CKAP5: variants seen among roughly 807,000 people sequenced by gnomAD.
CKAP5 encodes cytoskeleton-associated protein 5.
In CKAP5, 27 loss-of-function variants were observed where a neutral mutation model predicts 232.8. The observed-to-expected ratio is 0.12, with a 90% CI of 0.09 to 0.16. The LOEUF is 0.16. Among genes scored for constraint, CKAP5 ranks in the 10% least tolerant of loss-of-function variants. CKAP5 has a pLI of 1.00. For missense variants in CKAP5, 1,838 were observed against 2,424.7 expected, an observed-to-expected ratio of 0.76 and a Z score of 5.08; for synonymous variants, 785 against 841.1, an observed-to-expected ratio of 0.93 and a Z score of 1.16.
intron 30 of CKAP5, 64 bp from the exon 31 acceptor site, chr11:46,762,826 C>T (rs2065167127): frequency 6.5e-7 from 1 of 1,545,618 alleles, no homozygotes; most frequent in African/African-American, 1.4e-5. Context: ...TTCTCCCATG[C>T]ATTACTATGT....
chr11:46,746,041 G>A (rs1454075833), intron 42 of CKAP5, among the ~76,000 whole-genome samples: 1 of 152,154 alleles, frequency 6.6e-6, no homozygotes, highest in African/African-American at 2.4e-5. Flanking sequence ...CTATTTAAGA[G>A]AACAAAATTT....
In CKAP5 at chr11:46,762,910, A is replaced by T; in HGVS notation, c.3891+66T>A. 2.7e-6 allele frequency: 4 copies of T among 1,492,020 alleles called. No individual in the cohort carries two copies. In the South Asian group the frequency reaches 4.7e-5, roughly 17 times the overall value. The allele number at this position is 1,492,020 out of a possible 1,614,324, so 92.4% of individuals were successfully genotyped here. ...AATCAGTAAAAAAGGGAGAGGAAAT[A>T]AAAGTACAGAAACTGAGGTCAGCTG... is the stretch of plus-strand genomic sequence containing the variant. On this transcript the variant is annotated intron_variant, in intron 30 of 43. Transcript: ENST00000529230.
intron 11 of CKAP5, 97 bp from the exon 12 acceptor site, chr11:46,797,037 T>C: frequency 1.5e-6 from 2 of 1,357,800 alleles, no homozygotes; most frequent in Non-Finnish European, 2.0e-6. Flanking sequence ...AAGAATTTGC[T>C]TTTTACAATT....
At chr11:46,752,193 T>TATATATATATATAC (rs1408030107) in intron 38 of CKAP5, among the ~76,000 whole-genome samples, 23 of 66,546 alleles carry the variant, frequency 3.5e-4, no homozygotes, top group African/African-American at 1.0e-3. Context: ...TATATATATA[T>TATATATATATATAC]ACACACACAC....
chr11:46,843,728 GA>G (rs11362980), intron 1 of CKAP5, among the ~76,000 whole-genome samples: 96,502 of 107,564 alleles, frequency 0.9, 43,197 homozygotes, highest in Middle Eastern at 0.96. Flanking sequence ...AGATCTGATT[GA>G]AAAAAAAAAA....
chr11:46,755,122 G>T, intron 35 of CKAP5, 55 bp from the exon 36 acceptor site: 1 of 1,371,290 alleles, frequency 7.3e-7, no homozygotes, highest in Non-Finnish European at 9.9e-7. Context: ...CTAAAATAGC[G>T]GAAGACACTA....
At chr11:46,845,162 A>C (rs1315449007) in intron 1 of CKAP5, among the ~76,000 whole-genome samples, 1 of 152,240 alleles carries the variant, frequency 6.6e-6, no homozygotes, top group Non-Finnish European at 1.5e-5. Flanking sequence ...CTTTAGGTCA[A>C]AAGAAGGACT....
At chr11:46,829,131 G>A (rs1002489642) in intron 1 of CKAP5, among the ~76,000 whole-genome samples, 3 of 152,130 alleles carry the variant, frequency 2.0e-5, no homozygotes, top group African/African-American at 7.2e-5. Flanking sequence ...TATAAATACA[G>A]TTGACCCTTG....
chr11:46,814,367 T>C (rs1401285467), intron 4 of CKAP5, among the ~76,000 whole-genome samples: 1 of 152,270 alleles, frequency 6.6e-6, no homozygotes, highest in East Asian at 1.9e-4. Context: ...GCAAGTCAAA[T>C]TTTATAAAAG....
In CKAP5 at chr11:46,750,522, T is replaced by C. The variant is rs749442217; in HGVS notation, c.5544+6A>G. ...CCCCTATTCTGCTTAACCCTTTCAC[T>C]CTCACCTCTTTAGTGTTTTCTTTAG... On this transcript the variant is annotated splice_donor_region_variant and intron_variant, in intron 41 of 43. Transcript: ENST00000529230. 2.5e-6 allele frequency: 4 copies of C among 1,613,576 alleles called. No individual in the cohort carries two copies. The highest frequency in any genetic ancestry group is 3.4e-6 in the Non-Finnish European group (4 of 1,179,572).
At chr11:46,750,983 CAGG>C in intron 40 of CKAP5, 132 bp downstream of exon 40, 1 of 989,956 alleles carries the variant, frequency 1.0e-6, no homozygotes, top group East Asian at 2.5e-5. Flanking sequence ...TGCACCACAG[CAGG>C]AGACTGATTC....
chr11:46,798,271 G>A (rs1938938647), intron 9 of CKAP5, 99 bp from the exon 10 acceptor site: 2 of 889,290 alleles, frequency 2.2e-6, no homozygotes, highest in South Asian at 3.0e-5. Flanking sequence ...AGTATGCTAA[G>A]TTAAAAAAAA....
At position 46,816,356 on chromosome 11, in the gene CKAP5, T is replaced by C; in HGVS notation, c.300A>G (p.Gln100=). The C allele has an allele frequency of 1.2e-6, 2 of 1,614,114 alleles. No homozygotes were observed. Among genetic ancestry groups the C allele is most frequent in the Non-Finnish European group, 1.7e-6 (2 of 1,180,024 alleles). ...VSGVVSKVFN[Q]PKAKAKELGI... ...CCAGCTCCTTGGCTTTAGCTTTAGG[T>C]TGATTGAACACCTTACTTACAACAC... The change falls in exon 4 of 44, where the codon CAA becomes CAG. Residue 100 remains glutamine, a synonymous_variant. Transcript: ENST00000529230.
At chr11:46,813,421 T>G (rs1301551182) in intron 4 of CKAP5, among the ~76,000 whole-genome samples, 1 of 152,104 alleles carries the variant, frequency 6.6e-6, no homozygotes, top group Non-Finnish European at 1.5e-5. Flanking sequence ...AAAAAAAAGA[T>G]GGAGCAAGTC....
At chr11:46,817,394 T>A (rs1939427221) in intron 3 of CKAP5, among the ~76,000 whole-genome samples, 1 of 152,216 alleles carries the variant, frequency 6.6e-6, no homozygotes, top group African/African-American at 2.4e-5. Context: ...TTAATAAGAC[T>A]TTACAATAAC....
At chr11:46,845,251 G>A (rs1193351218) in intron 1 of CKAP5, among the ~76,000 whole-genome samples, 1 of 152,148 alleles carries the variant, frequency 6.6e-6, no homozygotes, top group East Asian at 1.9e-4. Context: ...TTATGCATAA[G>A]ACAGGCAGCA....
At chr11:46,761,871 A>G (rs965141575) in intron 32 of CKAP5, 129 bp downstream of exon 32, 4 of 659,636 alleles carry the variant, frequency 6.1e-6, no homozygotes, top group African/African-American at 5.4e-5. Context: ...TCTAGGACAC[A>G]TTGATAGGTT....
chr11:46,816,473 G>A, intron 3 of CKAP5, 69 bp from the exon 4 acceptor site: 1 of 1,141,526 alleles, frequency 8.8e-7, no homozygotes, highest in Non-Finnish European at 1.3e-6. Flanking sequence ...CACGGAAAGG[G>A]GGTGTACTAG....
chr11:46,750,336 T>C lies in CKAP5; in HGVS notation c.5642A>G (p.Glu1881Gly). Residue 1881 changes from glutamate to glycine, a missense_variant, in exon 42 of 44, where the codon GAA becomes GGA. By Grantham distance (98) the Glu-to-Gly change is moderately conservative. Transcript: ENST00000529230. The part of the protein sequence containing the change: ...NSSQFFQSYV[E>G]RGLRVIEMER... ...CATCTCAATCACCCGAAGGCCTCTT[T>C]CGACATAGCTCTGGAAGAACTGTGA... The C allele has an allele frequency of 1.2e-6, 2 of 1,614,202 alleles. No individual in the cohort carries two copies. Among genetic ancestry groups the C allele is most frequent in the Non-Finnish European group, 1.7e-6 (2 of 1,180,024 alleles).
Sources: allele counts gnomAD v4.1 joint callset (sites outside exome capture counted in the v4.1 genomes callset), GRCh38; gene constraint gnomAD v4.1.1; transcripts MANE v1.5; gene names NCBI Gene and HGNC (gene_info 2026-07-23, HGNC 2026-07-21).